The following WTIP variants were observed in gnomAD, a reference collection of about 807,000 sequenced individuals.
WTIP encodes WT1 interacting protein, also known as Wilms tumor protein 1-interacting protein.
A neutral mutation model predicts 41.7 loss-of-function variants in WTIP; 23 were observed. The ratio of observed to expected loss-of-function variants is 0.55; its 90% confidence interval spans 0.40 to 0.78. The LOEUF (loss-of-function observed/expected upper bound fraction) is 0.78. WTIP is among the 30% of genes least tolerant of loss of function. WTIP has a pLI of 0.00. For missense variants in WTIP, 619 were observed against 610.5 expected (o/e 1.01, Z -0.15); for synonymous variants, 314 against 269.9 (o/e 1.16, Z -1.60).
chr19:34,482,037 G>C lies in WTIP; in HGVS notation c.63G>C (p.Arg21=). The C allele has an allele frequency of 9.7e-7, 1 of 1,029,318 alleles. No individual in the cohort carries two copies. Among genetic ancestry groups the C allele is most frequent in the Non-Finnish European group, 1.2e-6 (1 of 859,762 alleles). The allele number at this position is 1,029,318 out of a possible 1,614,324, so 63.8% of individuals were successfully genotyped here. A position where few individuals can be genotyped will look rare whatever the true frequency, so the allele number is the denominator to read the frequency against. The change falls in exon 1 of 8, where the codon CGG becomes CGC. Residue 21 remains arginine, a synonymous_variant. Coordinates refer to ENST00000590071, the MANE Select transcript of WTIP (RefSeq NM_001080436.2). The stretch of plus-strand genomic sequence containing the variant: ...TACTCCTGGCCGGGCTGGCCCTGCG[G>C]GAGCTGGAGCCCGGGTGCGGCTCTC... ...AALLLAGLAL[R]ELEPGCGSPG... is the part of the protein sequence containing the mutation.
Position 34,482,246 on chromosome 19 carries a change from C to A in WTIP, c.272C>A (p.Ala91Asp). Residue 91 changes from alanine (A) to aspartate (D), a missense_variant, in exon 1 of 8, where the codon GCC becomes GAC. Ala to Asp is a moderately radical substitution (Grantham distance 126, BLOSUM62 -2). This residue lies in a region of WTIP where 363 missense variants were observed against 309.0 expected (regional missense o/e 1.17). Coordinates refer to ENST00000590071, the MANE Select transcript of WTIP (RefSeq NM_001080436.2). Reference protein sequence around the residue: ...LSAQPAGSPRASLAGSDGGGG... With the variant: ...LSAQPAGSPRDSLAGSDGGGG... ...GCGCAGCCTGCGGGCAGCCCACGGG[C>A]CAGCCTGGCGGGGTCCGACGGCGGC... is the stretch of plus-strand genomic sequence containing the variant. 8.0e-7 allele frequency: 1 copy of A among 1,244,062 alleles called. No individual in the cohort carries two copies. The highest frequency in any genetic ancestry group is 1.0e-6 in the Non-Finnish European group (1 of 989,642). The allele number at this position is 1,244,062 out of a possible 1,614,324, so 77.1% of individuals were successfully genotyped here.
intron 1 of WTIP, 144 bp from the exon 2 acceptor site, chr19:34,490,232 G>T: frequency 1.5e-6 from 1 of 679,868 alleles, no homozygotes; most frequent in Non-Finnish European, 2.6e-6. Flanking sequence ...TGCCCATGTT[G>T]GTCATCAGTA....
At chr19:34,484,131 T>G (rs2075785330) in intron 1 of WTIP, among the ~76,000 whole-genome samples, 1 of 151,918 alleles carries the variant, frequency 6.6e-6, no homozygotes, top group Non-Finnish European at 1.5e-5. Context: ...TTCACCATGT[T>G]GGCCAGGATG....
rs887613784 is a variant in WTIP at position 34,502,419 on chromosome 19, C to A, written c.*2150C>A. 4 of 137,112 alleles carry A rather than the reference C, an allele frequency of 2.9e-5. No individual in the cohort carries two copies. The highest frequency in any genetic ancestry group is 7.4e-5 in the Admixed American group (1 of 13,604). 8.5% of individuals were successfully genotyped at this position (137,112 alleles called of 1,614,324 possible). A position where few individuals can be genotyped will look rare whatever the true frequency, so the allele number is the denominator to read the frequency against. ...TACAGGTGTGCCCCATGACGCCCAG[C>A]TATTTTTTTTTTTTTTTTTTTTAAA... On this transcript the variant is annotated 3_prime_UTR_variant, in exon 8 of 8. Transcript: ENST00000590071.
chr19:34,490,894 T>C (rs896597770), intron 2 of WTIP, among the ~76,000 whole-genome samples: 2 of 152,194 alleles, frequency 1.3e-5, no homozygotes, highest in African/African-American at 4.8e-5. Flanking sequence ...TGATCTCGGC[T>C]CACTGCAGCC....
chr19:34,507,927 GT>G lies in WTIP; in HGVS notation c.*7661del, dbSNP rs886471536. 1 of 152,214 alleles carries G rather than the reference GT, an allele frequency of 6.6e-6. No individual in the cohort carries two copies. Among genetic ancestry groups the G allele is most frequent in the Non-Finnish European group, 1.5e-5 (1 of 68,058 alleles). The allele number at this position is 152,214 out of a possible 1,614,324, so 9.4% of individuals were successfully genotyped here. Reference sequence around the variant, plus strand: ...CTGTAGCTGGTTGAGGAGCAAATAGGTTTCCCTGTCCTGACTCCACCTTGGA... The same window carrying G: ...CTGTAGCTGGTTGAGGAGCAAATAGGTTCCCTGTCCTGACTCCACCTTGGA... On this transcript the variant is annotated 3_prime_UTR_variant, in exon 8 of 8. Transcript: ENST00000590071.
rs752850473 is a variant in WTIP, at chr19:34,493,258, C to T, written c.838-5C>T. ...CAATGTCCTGGATCCTGTGTCCCCT[C>T]CCAGTACTCCGGGTTCCAGCAGACG... is the stretch of plus-strand genomic sequence containing the variant. On this transcript the variant is annotated splice_polypyrimidine_tract_variant and splice_region_variant and intron_variant, in intron 3 of 7. Transcript: ENST00000590071. The surrounding 1 kb of genome is among the most constrained non-coding windows in gnomAD (Gnocchi z 4.1). The T allele has an allele frequency of 5.0e-6, 8 of 1,613,668 alleles. No homozygotes were observed. Among genetic ancestry groups the T allele is most frequent in the Non-Finnish European group, 6.8e-6 (8 of 1,179,776 alleles).
intron 2 of WTIP, among the ~76,000 whole-genome samples, chr19:34,491,448 C>A (rs542802096): frequency 1.3e-5 from 2 of 151,976 alleles, no homozygotes; most frequent in African/African-American, 4.8e-5. Flanking sequence ...CTCAGCCTCC[C>A]GAGTAGCTGG....
At position 34,496,107 on chromosome 19, in the gene WTIP, A is replaced by C. The variant is rs1030058614; in HGVS notation, c.1152+336A>C. 9.2e-5 allele frequency among the ~76,000 whole-genome samples: 14 copies of C among 152,254 alleles called. No individual in the cohort carries two copies. The Middle Eastern group carries it at 0.01, about 111-fold the overall frequency. Reference sequence around the variant, plus strand: ...GGGAGGCAGAGGTTGCAGTGAGCCGAGATTGTGCCATTGCACTCCAGCCTG... The same window carrying C: ...GGGAGGCAGAGGTTGCAGTGAGCCGCGATTGTGCCATTGCACTCCAGCCTG... On this transcript the variant is annotated intron_variant, in intron 7 of 7. Coordinates refer to ENST00000590071, the MANE Select transcript of WTIP (RefSeq NM_001080436.2).
chr19:34,499,020 T>C (rs909595675), intron 7 of WTIP, among the ~76,000 whole-genome samples: 1 of 149,712 alleles, frequency 6.7e-6, no homozygotes, highest in Admixed American at 6.7e-5. Flanking sequence ...ATCAGCCTGA[T>C]CAGCATAGCA....
At position 34,493,769 on chromosome 19, in the gene WTIP, C is replaced by A. The variant is rs1315683362; in HGVS notation, c.1031+147C>A. The A allele has an allele frequency of 3.5e-6, 4 of 1,139,718 alleles. No individual in the cohort carries two copies. The highest frequency in any genetic ancestry group is 2.4e-5 in the East Asian group (1 of 41,358). 70.6% of individuals were successfully genotyped at this position (1,139,718 alleles called of 1,614,324 possible). On this transcript the variant is annotated intron_variant, in intron 5 of 7. Coordinates refer to ENST00000590071, the MANE Select transcript of WTIP (RefSeq NM_001080436.2). This position sits in a 1 kb window ranked among gnomAD's most constrained non-coding sequence, Gnocchi z 4.1. ...CTTGTACACCTGGGCTTGGGGCAGG[C>A]ATGTGTCTCTGCCTGCATCCCCTCT... is the stretch of plus-strand genomic sequence containing the variant.
chr19:34,500,493 C>T lies in WTIP; in HGVS notation c.*224C>T. 1 of 611,506 alleles carries T rather than the reference C, an allele frequency of 1.6e-6. No individual in the cohort carries two copies. The highest frequency in any genetic ancestry group is 2.7e-6 in the Non-Finnish European group (1 of 377,120). 37.9% of individuals were successfully genotyped at this position (611,506 alleles called of 1,614,324 possible). Reference sequence around the variant, plus strand: ...TGCCTCCCACCCACCCCATCACCAGCTTTCCACTTGGAGGCCCCCTGTGCC... The same window carrying T: ...TGCCTCCCACCCACCCCATCACCAGTTTTCCACTTGGAGGCCCCCTGTGCC... On this transcript the variant is annotated 3_prime_UTR_variant, in exon 8 of 8. Transcript: ENST00000590071.
chr19:34,487,199 G>T (rs1045864797), intron 1 of WTIP, among the ~76,000 whole-genome samples: 1 of 147,600 alleles, frequency 6.8e-6, no homozygotes, highest in African/African-American at 2.5e-5. Context: ...CCGCCTCCCA[G>T]ATGCAAGCGA....
In WTIP at chr19:34,493,298, C is replaced by T. The variant is rs541381388; in HGVS notation, c.873C>T (p.Ser291=). 8.1e-6 allele frequency: 13 copies of T among 1,613,348 alleles called. No individual in the cohort carries two copies. In the Admixed American group the frequency reaches 1.0e-4, roughly 12 times the overall value. The change falls in exon 4 of 8, where the codon AGC becomes AGT. Residue 291 remains serine (S), a synonymous_variant. Coordinates refer to ENST00000590071, the MANE Select transcript of WTIP (RefSeq NM_001080436.2). The surrounding 1 kb of genome is among the most constrained non-coding windows in gnomAD (Gnocchi z 4.1). ...SGFQQTADKC[S]VCGHLIMEMI... ...TCCAGCAGACGGCCGACAAATGCAG[C>T]GTGTGTGGACATCTCATCATGGAAA...
In WTIP at chr19:34,510,149, C is replaced by T. The variant is rs2075927893; in HGVS notation, c.*9880C>T. On this transcript the variant is annotated 3_prime_UTR_variant, in exon 8 of 8. Transcript: ENST00000590071. ...CCAGTAGGGATACTGTGTTTGGGCT[C>T]TGACCCCACATTTCCCTTCTGCACT... 6.6e-6 allele frequency: 1 copy of T among 152,234 alleles called. No homozygotes were observed. The highest frequency in any genetic ancestry group is 6.5e-5 in the Admixed American group (1 of 15,286). 9.4% of individuals were successfully genotyped at this position (152,234 alleles called of 1,614,324 possible). A position where few individuals can be genotyped will look rare whatever the true frequency, so the allele number is the denominator to read the frequency against.
chr19:34,482,697 G>C, intron 1 of WTIP, 56 bp downstream of exon 1: 1 of 1,217,110 alleles, frequency 8.2e-7, no homozygotes, highest in Non-Finnish European at 1.0e-6. Context: ...CCGGGGTTCC[G>C]AGACTGCCTC....
intron 7 of WTIP, among the ~76,000 whole-genome samples, chr19:34,499,749 G>C (rs1251888329): frequency 6.6e-6 from 1 of 151,574 alleles, no homozygotes; most frequent in Non-Finnish European, 1.5e-5. Flanking sequence ...ACCCAGGCTG[G>C]AATGCAATGG....
At chr19:34,497,568 GAC>G (rs1336831678) in intron 7 of WTIP, among the ~76,000 whole-genome samples, 4 of 152,182 alleles carry the variant, frequency 2.6e-5, no homozygotes, top group Non-Finnish European at 4.4e-5. Context: ...GTCATTTAAG[GAC>G]ACACACAGGC....
Position 34,510,606 on chromosome 19 carries a change from G to A in WTIP, c.*10337G>A, listed in dbSNP as rs781109960. The A allele has an allele frequency of 2.0e-5, 3 of 152,116 alleles. No individual in the cohort carries two copies. Among genetic ancestry groups the A allele is most frequent in the Non-Finnish European group, 4.4e-5 (3 of 68,026 alleles). 9.4% of individuals were successfully genotyped at this position (152,116 alleles called of 1,614,324 possible). ...TTATGCAAATTTCTGCAGCCAGCTT[G>A]AATTTCTTCTAAAAAAATGGGTGTT... On this transcript the variant is annotated 3_prime_UTR_variant, in exon 8 of 8. Transcript: ENST00000590071.
Sources: gnomAD v4.1 joint callset for allele counts (sites outside exome capture counted in the v4.1 genomes callset) on GRCh38, gnomAD v4.1.1 for gene constraint, gnomAD v4.1.1 regional missense constraint, Gnocchi (gnomAD v3.1) non-coding constraint, MANE v1.5 for transcripts, NCBI Gene and HGNC (gene_info 2026-07-23, HGNC 2026-07-21) for gene names.